Variants in TRHDE observed in about 807,000 individuals in gnomAD.
TRHDE encodes the protein thyrotropin-releasing hormone-degrading ectoenzyme.
A neutral mutation model predicts 125.7 loss-of-function variants in TRHDE; 72 were observed. The observed-to-expected ratio is 0.57, with a 90% CI of 0.47 to 0.70. The LOEUF (loss-of-function observed/expected upper bound fraction) is 0.70, where lower values mean the gene tolerates loss of function less well. Ranked by LOEUF, TRHDE falls within the 30% of genes least tolerant of loss-of-function variation. The pLI is 0.00. For missense variants in TRHDE, 1,110 were observed against 1,327.1 expected, an observed-to-expected ratio of 0.84 and a Z score of 2.54; for synonymous variants, 509 against 509.1, an observed-to-expected ratio of 1.00 and a Z score of 0.00.
intron 17 of TRHDE, 151 bp from the exon 18 acceptor site, chr12:72,656,776 C>A: frequency 1.6e-6 from 1 of 619,410 alleles, no homozygotes; most frequent in Non-Finnish European, 2.9e-6. Flanking sequence ...CCCTGACTCC[C>A]TAGAGAAATG....
chr12:72,376,698 C>A (rs1263100312), intron 2 of TRHDE, among the ~76,000 whole-genome samples: 5 of 152,094 alleles, frequency 3.3e-5, no homozygotes, highest in African/African-American at 1.2e-4. Flanking sequence ...TGTTCTCTCT[C>A]TTTAGGCAGA....
chr12:72,594,827 G>C (rs1197477843), intron 12 of TRHDE, among the ~76,000 whole-genome samples: 1 of 151,674 alleles, frequency 6.6e-6, no homozygotes, highest in Non-Finnish European at 1.5e-5. Context: ...ATGTTTATTT[G>C]GCACTATTCA....
Position 72,621,202 on chromosome 12 carries a change from A to C in TRHDE, c.2564A>C (p.His855Pro), listed in dbSNP as rs2136078747. The change falls in exon 14 of 19, where the codon CAT (histidine) becomes CCT (proline). Residue 855 changes from histidine to proline, a missense_variant. By Grantham distance (77) the His-to-Pro change is moderately conservative. Transcript: ENST00000261180. The stretch of plus-strand genomic sequence containing the variant: ...TCTCTTGTTCAAGCATCCTACCAAC[A>C]TGAGTACTGTTTTATTTTCTTATCC... ...NGSLVQASYQ[H>P]EELRREVIML... 1 of 1,599,840 alleles carries C rather than the reference A, an allele frequency of 6.3e-7. No homozygotes were observed. The highest frequency in any genetic ancestry group is 8.6e-7 in the Non-Finnish European group (1 of 1,167,574).
chr12:72,378,185 G>A (rs1336087093), intron 3 of TRHDE, 64 bp downstream of exon 3: 3 of 1,428,796 alleles, frequency 2.1e-6, no homozygotes, highest in Non-Finnish European at 2.8e-6. Flanking sequence ...TTCTTCATGT[G>A]TTTATTTGAG....
intron 1 of TRHDE, among the ~76,000 whole-genome samples, chr12:72,092,348 T>C (rs1874810480): frequency 6.6e-6 from 1 of 152,188 alleles, no homozygotes; most frequent in African/African-American, 2.4e-5. Context: ...ATCAAAACCT[T>C]TGGTTGAAAG....
chr12:72,142,722 C>G (rs911494545), intron 2 of TRHDE, among the ~76,000 whole-genome samples: 2 of 152,106 alleles, frequency 1.3e-5, no homozygotes, highest in Non-Finnish European at 2.9e-5. Context: ...GACTAGCAGA[C>G]CAGCAGATGG....
intron 6 of TRHDE, among the ~76,000 whole-genome samples, chr12:72,525,417 TATG>T (rs1157576733): frequency 5.9e-5 from 9 of 152,040 alleles, no homozygotes; most frequent in African/African-American, 2.2e-4. Flanking sequence ...AATAATATAT[TATG>T]ATGAGATATT....
chr12:72,528,733 G>T (rs998789198), intron 6 of TRHDE, among the ~76,000 whole-genome samples: 1 of 151,828 alleles, frequency 6.6e-6, no homozygotes, highest in Non-Finnish European at 1.5e-5. Flanking sequence ...GTGACCCCCC[G>T]CCTCTGCCTC....
At chr12:72,290,877 G>C (rs1880063113) in intron 2 of TRHDE, among the ~76,000 whole-genome samples, 3 of 152,204 alleles carry the variant, frequency 2.0e-5, no homozygotes, top group Admixed American at 1.3e-4. Flanking sequence ...AGAAGTCACA[G>C]AGCATCACTT....
chr12:72,174,729 T>A (rs1381395172), intron 2 of TRHDE, among the ~76,000 whole-genome samples: 1 of 152,226 alleles, frequency 6.6e-6, no homozygotes, highest in Non-Finnish European at 1.5e-5. Flanking sequence ...ACATAAATGA[T>A]CCTATGTCCT....
chr12:72,266,554 A>G (rs1879074376), intron 2 of TRHDE, among the ~76,000 whole-genome samples: 1 of 151,246 alleles, frequency 6.6e-6, no homozygotes, highest in South Asian at 2.1e-4. Context: ...CTATTCATTT[A>G]TTAACAAACA....
chr12:72,586,059 A>G (rs1441163940), intron 12 of TRHDE, among the ~76,000 whole-genome samples: 1 of 152,190 alleles, frequency 6.6e-6, no homozygotes, highest in Admixed American at 6.5e-5. Flanking sequence ...GCCAATGATA[A>G]AGTAAAGAGC....
chr12:72,356,314 A>G (rs1870818388), intron 2 of TRHDE, among the ~76,000 whole-genome samples: 1 of 151,652 alleles, frequency 6.6e-6, no homozygotes, highest in South Asian at 2.1e-4. Flanking sequence ...ACATCTTCTC[A>G]CTTATAAGTG....
chr12:72,591,870 A>G (rs1871701562), intron 12 of TRHDE, among the ~76,000 whole-genome samples: 1 of 151,384 alleles, frequency 6.6e-6, no homozygotes, highest in Non-Finnish European at 1.5e-5. Context: ...ATTTCCCATT[A>G]TTTCTGTATG....
At chr12:72,169,575 T>C (rs530937383) in intron 2 of TRHDE, among the ~76,000 whole-genome samples, 1 of 152,052 alleles carries the variant, frequency 6.6e-6, no homozygotes, top group South Asian at 2.1e-4. Context: ...CAAATACTAG[T>C]TGGGTGCAAT....
chr12:72,556,860 G>A (rs1027369765), intron 7 of TRHDE, among the ~76,000 whole-genome samples: 1 of 152,098 alleles, frequency 6.6e-6, no homozygotes, highest in African/African-American at 2.4e-5. Flanking sequence ...AATTTACCTA[G>A]CATTTCCAGA....
At chr12:72,440,863 G>A (rs1874977549) in intron 3 of TRHDE, among the ~76,000 whole-genome samples, 1 of 151,878 alleles carries the variant, frequency 6.6e-6, no homozygotes, top group African/African-American at 2.4e-5. Context: ...CAATTTCTGG[G>A]ATTCAGATGA....
chr12:72,548,612 G>A (rs948694730), intron 7 of TRHDE, among the ~76,000 whole-genome samples: 2 of 151,370 alleles, frequency 1.3e-5, no homozygotes, highest in African/African-American at 4.8e-5. Context: ...ATCTTTACAT[G>A]ACTTGGATTT....
intron 3 of TRHDE, among the ~76,000 whole-genome samples, chr12:72,390,903 C>T (rs1452079301): frequency 6.6e-6 from 1 of 151,982 alleles, no homozygotes; most frequent in African/African-American, 2.4e-5. Flanking sequence ...ACTATTGTAA[C>T]CTGAGTGAGA....
Sources: gnomAD v4.1 joint callset for allele counts (sites outside exome capture counted in the v4.1 genomes callset) on GRCh38, gnomAD v4.1.1 for gene constraint, MANE v1.5 for transcripts, NCBI Gene and HGNC (gene_info 2026-07-23, HGNC 2026-07-21) for gene names.